NKAIN2: variants seen among roughly 807,000 people sequenced by gnomAD.
The protein encoded by NKAIN2 is sodium/potassium-transporting ATPase subunit beta-1-interacting protein 2.
NKAIN2 carries 14 observed loss-of-function variants against 32.6 expected under a neutral mutation model. The ratio of observed to expected loss-of-function variants is 0.43; its 90% CI spans 0.28 to 0.67. The LOEUF is 0.67. Ranked by LOEUF, NKAIN2 falls within the 30% of genes least tolerant of loss-of-function variation. NKAIN2 has a pLI of 0.17. For missense variants in NKAIN2, 198 were observed against 258.3 expected, an observed-to-expected ratio of 0.77 and a Z score of 1.60; for synonymous variants, 80 against 87.2, an observed-to-expected ratio of 0.92 and a Z score of 0.46.
intron 3 of NKAIN2, among the ~76,000 whole-genome samples, chr6:124,561,148 G>A (rs1211503744): frequency 6.6e-6 from 1 of 152,172 alleles, no homozygotes; most frequent in East Asian, 1.9e-4. Context: ...GGAAAAGTCC[G>A]AAGCAGGAGA....
chr6:124,745,584 C>T (rs1348802958), intron 4 of NKAIN2, among the ~76,000 whole-genome samples: 1 of 151,724 alleles, frequency 6.6e-6, no homozygotes, highest in Non-Finnish European at 1.5e-5. Flanking sequence ...TTTTACATGG[C>T]CTTTCTTTTA....
intron 3 of NKAIN2, among the ~76,000 whole-genome samples, chr6:124,360,011 T>C (rs1227295548): frequency 6.6e-6 from 1 of 152,230 alleles, no homozygotes; most frequent in East Asian, 1.9e-4. Context: ...AAAGGCCTTT[T>C]CTGCATCTAT....
At chr6:124,333,847 A>G (rs1045835684) in intron 2 of NKAIN2, among the ~76,000 whole-genome samples, 3 of 152,178 alleles carry the variant, frequency 2.0e-5, no homozygotes, top group Admixed American at 6.5e-5. Context: ...AAAGCTAGAA[A>G]TGAAATCAAA....
chr6:124,380,986 T>G (rs1308143917), intron 3 of NKAIN2, among the ~76,000 whole-genome samples: 2 of 152,222 alleles, frequency 1.3e-5, no homozygotes, highest in Admixed American at 6.5e-5. Flanking sequence ...TACTATTATT[T>G]GAAACATTCA....
intron 1 of NKAIN2, among the ~76,000 whole-genome samples, chr6:123,813,431 C>T (rs1022485436): frequency 2.0e-5 from 3 of 152,064 alleles, no homozygotes; most frequent in South Asian, 2.1e-4. Context: ...CTTTGAAGTG[C>T]GGGGATGATA....
chr6:124,358,145 T>C (rs990703974), intron 3 of NKAIN2, among the ~76,000 whole-genome samples: 3 of 152,222 alleles, frequency 2.0e-5, no homozygotes, highest in African/African-American at 7.2e-5. Context: ...ATGATGTATA[T>C]GTGCCACATT....
intron 3 of NKAIN2, among the ~76,000 whole-genome samples, chr6:124,463,504 C>CAA (rs532622354): frequency 2.2e-3 from 334 of 152,172 alleles, no homozygotes; most frequent in African/African-American, 7.7e-3. Flanking sequence ...AACACCTGTT[C>CAA]CAGCCACTGT....
rs535288692 is a variant in NKAIN2 at position 123,993,858 on chromosome 6, A to G, written c.54+189604A>G. Among the ~76,000 whole-genome samples the G allele has an allele frequency of 3.3e-5, 5 of 152,350 alleles. No individual in the cohort carries two copies. In the South Asian group the frequency reaches 8.3e-4, roughly 25 times the overall value. ...TATTTCTGAATTATGAAAGAATTCC[A>G]TTCCATTTCCAATAGAACCATGCTA... On this transcript the variant is annotated intron_variant, in intron 1 of 6. Coordinates refer to ENST00000368417, the MANE Select transcript of NKAIN2 (RefSeq NM_001040214.3).
chr6:124,594,083 C>T (rs576757357), intron 3 of NKAIN2, among the ~76,000 whole-genome samples: 8 of 152,080 alleles, frequency 5.3e-5, no homozygotes, highest in African/African-American at 9.7e-5. Flanking sequence ...GACTAACGAT[C>T]ATTAGTTTAG....
intron 4 of NKAIN2, among the ~76,000 whole-genome samples, chr6:124,665,509 T>C (rs1034724266): frequency 6.6e-6 from 1 of 152,228 alleles, no homozygotes; most frequent in Non-Finnish European, 1.5e-5. Context: ...TAGTTCTCTA[T>C]ACTGGCTGAG....
intron 1 of NKAIN2, among the ~76,000 whole-genome samples, chr6:124,233,077 A>T (rs1792543344): frequency 6.6e-6 from 1 of 152,048 alleles, no homozygotes; most frequent in Non-Finnish European, 1.5e-5. Flanking sequence ...AGAAATAATT[A>T]TTTGGGCTAC....
intron 4 of NKAIN2, among the ~76,000 whole-genome samples, chr6:124,718,238 C>T (rs2114624619): frequency 6.6e-6 from 1 of 152,270 alleles, no homozygotes; most frequent in East Asian, 1.9e-4. Context: ...CTCTCCCCAT[C>T]TCTCCCTTCT....
chr6:124,083,870 GGAA>G (rs1784079698), intron 1 of NKAIN2, among the ~76,000 whole-genome samples: 1 of 151,874 alleles, frequency 6.6e-6, no homozygotes, highest in South Asian at 2.1e-4. Flanking sequence ...ATTTTTTCAT[GGAA>G]TTGCAAATTC....
At chr6:124,262,407 T>C (rs1352514853) in intron 1 of NKAIN2, among the ~76,000 whole-genome samples, 1 of 152,088 alleles carries the variant, frequency 6.6e-6, no homozygotes, top group Non-Finnish European at 1.5e-5. Context: ...TCTCTTGAAA[T>C]TGCAGCAGGA....
chr6:123,861,634 G>T (rs1192970140), intron 1 of NKAIN2, among the ~76,000 whole-genome samples: 1 of 152,084 alleles, frequency 6.6e-6, no homozygotes, highest in African/African-American at 2.4e-5. Flanking sequence ...TCATTTTCGG[G>T]AGAAAATCTA....
intron 5 of NKAIN2, among the ~76,000 whole-genome samples, chr6:124,807,144 A>G (rs1468841732): frequency 6.6e-6 from 1 of 152,114 alleles, no homozygotes; most frequent in African/African-American, 2.4e-5. Context: ...TGGACCTAAT[A>G]GACATCTACA....
At chr6:124,201,998 G>T (rs925836598) in intron 1 of NKAIN2, among the ~76,000 whole-genome samples, 1 of 151,874 alleles carries the variant, frequency 6.6e-6, no homozygotes, top group Non-Finnish European at 1.5e-5. Context: ...ATCAACAAAC[G>T]TGGTTAGCTA....
intron 1 of NKAIN2, among the ~76,000 whole-genome samples, chr6:124,099,263 G>A (rs1257897699): frequency 6.6e-6 from 1 of 152,136 alleles, no homozygotes; most frequent in Non-Finnish European, 1.5e-5. Context: ...GTAATAATAT[G>A]AAGAAGAGAT....
rs138843283 is a variant in NKAIN2, at chr6:124,693,915, ATC to A, written c.474+35531_474+35532del. Reference sequence around the variant, plus strand: ...TACAATATAAAGTCCTCTAAATTGCATCTGTTTCAGTCCTGCCTACTTGCTTG... The same window carrying A: ...TACAATATAAAGTCCTCTAAATTGCATGTTTCAGTCCTGCCTACTTGCTTG... On this transcript the variant is annotated intron_variant, in intron 4 of 6. Coordinates refer to ENST00000368417, the MANE Select transcript of NKAIN2 (RefSeq NM_001040214.3). Among the ~76,000 whole-genome samples, 1,356 of 152,286 alleles carry A rather than the reference ATC, an allele frequency of 8.9e-3. 27 individuals are homozygous for A. Among genetic ancestry groups the A allele is most frequent in the African/African-American group, 0.03 (1,246 of 41,554 alleles).
Sources: gnomAD v4.1 joint callset for allele counts (sites outside exome capture counted in the v4.1 genomes callset) on GRCh38, gnomAD v4.1.1 for gene constraint, MANE v1.5 for transcripts, NCBI Gene and HGNC (gene_info 2026-07-23, HGNC 2026-07-21) for gene names.